The following TRAPPC9 variants were observed in gnomAD, a reference collection of about 807,000 sequenced individuals.
The protein encoded by TRAPPC9 is IKK2 binding protein.
Under a neutral mutation model 124.0 loss-of-function variants are expected in TRAPPC9, and 83 were observed. That is an observed-to-expected ratio of 0.67 (90% confidence interval 0.56 to 0.80). The LOEUF is 0.80. TRAPPC9 is among the 30% of genes least tolerant of loss of function. TRAPPC9 has a pLI of 0.00. For missense variants in TRAPPC9, 1,302 were observed against 1,508.3 expected, an observed-to-expected ratio of 0.86 and a Z score of 2.27; for synonymous variants, 638 against 617.5, an observed-to-expected ratio of 1.03 and a Z score of -0.49.
intron 16 of TRAPPC9, among the ~76,000 whole-genome samples, chr8:140,230,115 C>A (rs2063555891): frequency 6.6e-6 from 1 of 152,182 alleles, no homozygotes; most frequent in Non-Finnish European, 1.5e-5. Context: ...TCACAACAGG[C>A]ACAAGCACAT....
intron 21 of TRAPPC9, among the ~76,000 whole-genome samples, chr8:139,860,097 A>ACAT (rs1828033074): frequency 6.6e-6 from 1 of 152,252 alleles, no homozygotes; most frequent in Non-Finnish European, 1.5e-5. Flanking sequence ...CAGTATCAGC[A>ACAT]CAGTGTCAGC....
chr8:139,794,555 C>T (rs1222884280), intron 21 of TRAPPC9, among the ~76,000 whole-genome samples: 1 of 152,222 alleles, frequency 6.6e-6, no homozygotes, highest in African/African-American at 2.4e-5. Context: ...GGGCCCACTT[C>T]AGGGACACAC....
intron 20 of TRAPPC9, among the ~76,000 whole-genome samples, chr8:139,893,746 A>T (rs897909444): frequency 2.0e-5 from 3 of 152,252 alleles, no homozygotes; most frequent in African/African-American, 7.2e-5. Flanking sequence ...CTGGCACACC[A>T]GGAGGTAACT....
At chr8:140,447,822 T>C (rs1308443269) in intron 2 of TRAPPC9, among the ~76,000 whole-genome samples, 1 of 152,128 alleles carries the variant, frequency 6.6e-6, no homozygotes, top group Non-Finnish European at 1.5e-5. Context: ...AGACAAGGCT[T>C]TGTTCCTGCA....
At chr8:140,349,125 C>T (rs1217554692) in intron 9 of TRAPPC9, among the ~76,000 whole-genome samples, 3 of 111,778 alleles carry the variant, frequency 2.7e-5, no homozygotes, top group African/African-American at 3.6e-5. Flanking sequence ...AGACGGCGCA[C>T]GAGGGAAGGG....
chr8:140,238,535 G>A (rs1315325791), intron 16 of TRAPPC9: 3 of 152,238 alleles, frequency 2.0e-5, no homozygotes, highest in African/African-American at 4.8e-5. Flanking sequence ...AGATGGCACG[G>A]GCTAAATATA....
chr8:140,218,143 G>A (rs541278225), intron 17 of TRAPPC9, among the ~76,000 whole-genome samples: 40 of 152,134 alleles, frequency 2.6e-4, no homozygotes, highest in African/African-American at 9.2e-4. Context: ...GCTGCACGAC[G>A]CCACCACGAC....
intron 19 of TRAPPC9, among the ~76,000 whole-genome samples, chr8:139,958,956 G>A (rs1474339525): frequency 0.038 from 4,275 of 113,196 alleles, 5 homozygotes; most frequent in South Asian, 0.052. Context: ...CGAGTCACAC[G>A]GGGGAGCCCT....
At chr8:140,244,689 T>C (rs1396634561) in intron 16 of TRAPPC9, among the ~76,000 whole-genome samples, 1 of 152,116 alleles carries the variant, frequency 6.6e-6, no homozygotes, top group East Asian at 1.9e-4. Flanking sequence ...GGCTCGATCT[T>C]CTGGATAATT....
chr8:140,042,537 A>G (rs1263218779), intron 17 of TRAPPC9, among the ~76,000 whole-genome samples: 1 of 152,144 alleles, frequency 6.6e-6, no homozygotes, highest in African/African-American at 2.4e-5. Context: ...TTCAGCTGAG[A>G]TAACTGGGAC....
chr8:139,819,617 A>T (rs1825110718), intron 21 of TRAPPC9, among the ~76,000 whole-genome samples: 1 of 152,214 alleles, frequency 6.6e-6, no homozygotes. Flanking sequence ...GCACAGGGCA[A>T]AAATTCTAAA....
intron 21 of TRAPPC9, among the ~76,000 whole-genome samples, chr8:139,840,833 C>T (rs1826679676): frequency 6.6e-6 from 1 of 152,234 alleles, no homozygotes; most frequent in South Asian, 2.1e-4. Flanking sequence ...CTTGTCCTTC[C>T]CTTGTGCCCA....
chr8:140,140,594 T>G (rs1048869144), intron 17 of TRAPPC9, among the ~76,000 whole-genome samples: 2 of 152,158 alleles, frequency 1.3e-5, no homozygotes, highest in African/African-American at 4.8e-5. Flanking sequence ...GAGAGAACAA[T>G]TGTATGCACT....
chr8:139,832,084 G>A (rs2039771908), intron 21 of TRAPPC9, among the ~76,000 whole-genome samples: 1 of 152,206 alleles, frequency 6.6e-6, no homozygotes, highest in Non-Finnish European at 1.5e-5. Context: ...TCCCCTGCCA[G>A]TAACCAGCTC....
chr8:139,742,202 T>A lies in TRAPPC9; in HGVS notation c.3056-10000A>T, dbSNP rs944508105. Among the ~76,000 whole-genome samples the A allele has an allele frequency of 7.9e-5, 12 of 152,184 alleles. No homozygotes were observed. Among genetic ancestry groups the A allele is most frequent in the African/African-American group, 2.7e-4 (11 of 41,442 alleles). ...TGGTTGCCTGGCTCTGGTTCACCCA[T>A]CCTGGTGGAGGTGAAGTAGCATCTT... On this transcript the variant is annotated intron_variant, in intron 21 of 22. Transcript: ENST00000438773. This position sits in a 1 kb window ranked among gnomAD's most constrained non-coding sequence, Gnocchi z 4.7.
intron 9 of TRAPPC9, among the ~76,000 whole-genome samples, chr8:140,345,556 C>T (rs967721581): frequency 6.6e-6 from 1 of 152,214 alleles, no homozygotes; most frequent in African/African-American, 2.4e-5. Context: ...GCTAGGATGG[C>T]ATTGTGAGTG....
In TRAPPC9 at chr8:139,820,052, C is replaced by T. The variant is rs181725478; in HGVS notation, c.3055+65827G>A. 3.4e-3 allele frequency among the ~76,000 whole-genome samples: 508 copies of T among 147,720 alleles called. 4 individuals are homozygous for T. Among genetic ancestry groups the T allele is most frequent in the African/African-American group, 0.012 (462 of 40,092 alleles). On this transcript the variant is annotated intron_variant, in intron 21 of 22. Transcript: ENST00000438773. Reference sequence around the variant, plus strand: ...AAAAAGAGAAAACTACCGTCCAAAACCATTACAACACTGAAAAGGGAAAAG... The same window carrying T: ...AAAAAGAGAAAACTACCGTCCAAAATCATTACAACACTGAAAAGGGAAAAG...
intron 2 of TRAPPC9, 65 bp downstream of exon 2, chr8:140,450,725 C>G: frequency 1.6e-6 from 2 of 1,252,904 alleles, no homozygotes; most frequent in Non-Finnish European, 2.3e-6. Context: ...CAATGAAATT[C>G]TGCCCTGTGC....
chr8:140,043,369 C>T (rs760694823), intron 17 of TRAPPC9, among the ~76,000 whole-genome samples: 3 of 152,182 alleles, frequency 2.0e-5, no homozygotes, highest in Non-Finnish European at 4.4e-5. Context: ...AGAAAAAAAG[C>T]CCATTATTCC....
Sources: allele counts gnomAD v4.1 joint callset (sites outside exome capture counted in the v4.1 genomes callset), GRCh38; gene constraint gnomAD v4.1.1; non-coding constraint Gnocchi (gnomAD v3.1); transcripts MANE v1.5; gene names NCBI Gene and HGNC (gene_info 2026-07-23, HGNC 2026-07-21).